RND2: variants seen among roughly 807,000 people sequenced by gnomAD.
RND2 encodes the protein rho-related GTP-binding protein RhoN.
RND2 carries 16 observed loss-of-function variants against 25.9 expected under a neutral mutation model. The observed-to-expected ratio is 0.62, with a 90% CI of 0.42 to 0.94. The LOEUF (loss-of-function observed/expected upper bound fraction) is 0.94. Ranked by LOEUF, RND2 falls within the 40% of genes least tolerant of loss-of-function variation. The pLI, the probability that RND2 is intolerant of heterozygous loss-of-function variation, is 0.00. For missense variants in RND2, 276 were observed against 305.5 expected (o/e 0.90, Z 0.72); for synonymous variants, 97 against 118.1 (o/e 0.82, Z 1.16).
Position 43,028,180 on chromosome 17 carries a change from T to C in RND2, c.420T>C (p.Pro140=). The C allele has an allele frequency of 6.2e-7, 1 of 1,614,196 alleles. No homozygotes were observed. Among genetic ancestry groups the C allele is most frequent in the South Asian group, 1.1e-5 (1 of 91,090 alleles). ...LRELSKQRLI[P]VTHEQGTVLA... Reference sequence around the variant, plus strand: ...AGCTGTCCAAGCAGAGGCTTATCCCTGTTACACATGAGCAGGTGGGACCCT... The same window carrying C: ...AGCTGTCCAAGCAGAGGCTTATCCCCGTTACACATGAGCAGGTGGGACCCT... Residue 140 remains proline (P), a synonymous_variant, in exon 4 of 5, where the codon CCT becomes CCC. Coordinates refer to ENST00000587250, the MANE Select transcript of RND2 (RefSeq NM_005440.5).
At position 43,029,169 on chromosome 17, in the gene RND2, C is replaced by G. The variant is rs1196567360; in HGVS notation, c.*489C>G. On this transcript the variant is annotated 3_prime_UTR_variant, in exon 5 of 5. Coordinates refer to ENST00000587250, the MANE Select transcript of RND2 (RefSeq NM_005440.5). ...GAAGCCCTTGCCCCCCATCAGTCCA[C>G]CAGCCCTAGAACCTCCCTTGCCTCA... 2 of 159,342 alleles carry G rather than the reference C, an allele frequency of 1.3e-5. No individual in the cohort carries two copies. Among genetic ancestry groups the G allele is most frequent in the Admixed American group, 1.2e-4 (2 of 16,896 alleles). The allele number at this position is 159,342 out of a possible 1,614,324, so 9.9% of individuals were successfully genotyped here.
intron 3 of RND2, among the ~76,000 whole-genome samples, chr17:43,027,511 G>A (rs1483685728): frequency 6.6e-6 from 1 of 152,184 alleles, no homozygotes; most frequent in African/African-American, 2.4e-5. Flanking sequence ...AGCTAGGGGA[G>A]GTGGGGGAGT....
At position 43,030,377 on chromosome 17, in the gene RND2, T is replaced by C. The variant is rs1318448880; in HGVS notation, c.*1697T>C. 3 of 152,756 alleles carry C rather than the reference T, an allele frequency of 2.0e-5. No homozygotes were observed. Among genetic ancestry groups the C allele is most frequent in the African/African-American group, 7.2e-5 (3 of 41,436 alleles). The allele number at this position is 152,756 out of a possible 1,614,324, so 9.5% of individuals were successfully genotyped here. A position where few individuals can be genotyped will look rare whatever the true frequency, so the allele number is the denominator to read the frequency against. On this transcript the variant is annotated 3_prime_UTR_variant, in exon 5 of 5. Coordinates refer to ENST00000587250, the MANE Select transcript of RND2 (RefSeq NM_005440.5). ...TCTGCTGGGATCCCACCCAAATTTATAGCCCATTCCTCCCTCATTCATTCA... is the reference window on the plus strand; with the variant it reads ...TCTGCTGGGATCCCACCCAAATTTACAGCCCATTCCTCCCTCATTCATTCA...
At chr17:43,025,694 A>G (rs1203495702) in intron 1 of RND2, among the ~76,000 whole-genome samples, 1 of 149,050 alleles carries the variant, frequency 6.7e-6, no homozygotes, top group African/African-American at 2.5e-5. Flanking sequence ...GGGCGAGGGG[A>G]ATGTCGGAGG....
At position 43,028,574 on chromosome 17, in the gene RND2, A is replaced by T; in HGVS notation, c.578A>T (p.Asp193Val). ...GRGHRQLRRT[D>V]SRRGMQRSAQ... is the part of the protein sequence containing the mutation. ...GGCCATAGGCAGCTGCGCCGAACTGACTCACGCCGGGGAATGCAGCGATCC... is the reference window on the plus strand; with the variant it reads ...GGCCATAGGCAGCTGCGCCGAACTGTCTCACGCCGGGGAATGCAGCGATCC... Residue 193 changes from aspartate (D) to valine (V), a missense_variant, in exon 5 of 5, where the codon GAC becomes GTC. Asp to Val is a radical substitution (Grantham distance 152, BLOSUM62 -3). Coordinates refer to ENST00000587250, the MANE Select transcript of RND2 (RefSeq NM_005440.5). 1 of 1,614,018 alleles carries T rather than the reference A, an allele frequency of 6.2e-7. No homozygotes were observed. Among genetic ancestry groups the T allele is most frequent in the Non-Finnish European group, 8.5e-7 (1 of 1,180,006 alleles).
chr17:43,028,018 C>T (rs1485322572), intron 3 of RND2, 43 bp from the exon 4 acceptor site: 1 of 1,586,274 alleles, frequency 6.3e-7, no homozygotes. Context: ...CACGCTGTGC[C>T]TCCCTCCACC....
At chr17:43,026,480 G>A (rs1430362115) in intron 2 of RND2, among the ~76,000 whole-genome samples, 1 of 152,026 alleles carries the variant, frequency 6.6e-6, no homozygotes. Context: ...TTGAAACTCC[G>A]TCTCTACTAA....
Position 43,028,158 on chromosome 17 carries a change from T to C in RND2, c.398T>C (p.Leu133Pro). The C allele has an allele frequency of 1.2e-6, 2 of 1,614,216 alleles. No homozygotes were observed. The highest frequency in any genetic ancestry group is 1.7e-6 in the Non-Finnish European group (2 of 1,180,040). The change falls in exon 4 of 5, where the codon CTG (leucine) becomes CCG (proline). Residue 133 changes from leucine to proline, a missense_variant. By Grantham distance (98) the Leu-to-Pro change is moderately conservative. Coordinates refer to ENST00000587250, the MANE Select transcript of RND2 (RefSeq NM_005440.5). ...MRTDLATLRE[L>P]SKQRLIPVTH... The stretch of plus-strand genomic sequence containing the variant: ...ACTGACCTGGCCACACTGAGGGAGC[T>C]GTCCAAGCAGAGGCTTATCCCTGTT...
At chr17:43,027,348 C>T in intron 3 of RND2, 56 bp downstream of exon 3, 1 of 1,205,952 alleles carries the variant, frequency 8.3e-7, no homozygotes, top group Non-Finnish European at 1.2e-6. Flanking sequence ...CCACCATGGT[C>T]CTGACATAAC....
intron 1 of RND2, 130 bp downstream of exon 1, chr17:43,025,579 G>C: frequency 7.8e-7 from 1 of 1,285,952 alleles, no homozygotes; most frequent in Non-Finnish European, 1.1e-6. Context: ...AGGACGCGGG[G>C]AGGCCTTGAG....
intron 3 of RND2, among the ~76,000 whole-genome samples, 164 bp downstream of exon 3, chr17:43,027,456 C>T (rs1474930841): frequency 6.6e-6 from 1 of 152,204 alleles, no homozygotes; most frequent in Non-Finnish European, 1.5e-5. Flanking sequence ...GCCCCCATCC[C>T]TCCCAGCCAC....
At chr17:43,027,619 G>A (rs758813373) in intron 3 of RND2, among the ~76,000 whole-genome samples, 6 of 152,104 alleles carry the variant, frequency 3.9e-5, no homozygotes, top group Non-Finnish European at 7.4e-5. Context: ...CCTGATCCTG[G>A]AGCTCAGGAA....
chr17:43,027,941 C>A, intron 3 of RND2, 120 bp from the exon 4 acceptor site: 1 of 1,200,970 alleles, frequency 8.3e-7, no homozygotes, highest in Non-Finnish European at 1.2e-6. Context: ...TGGGAGAGTC[C>A]TGAGGGATAC....
Position 43,025,283 on chromosome 17 carries a change from G to A in RND2, c.-65G>A. ...GGCCCGAGCGGCTGCAGTTGCAGGG[G>A]CGGGGGAGGCGGCGGCGGGGCCCGG... is the stretch of plus-strand genomic sequence containing the variant. On this transcript the variant is annotated 5_prime_UTR_variant, in exon 1 of 5. Coordinates refer to ENST00000587250, the MANE Select transcript of RND2 (RefSeq NM_005440.5). 1 of 1,404,914 alleles carries A rather than the reference G, an allele frequency of 7.1e-7. No homozygotes were observed. The highest frequency in any genetic ancestry group is 9.4e-7 in the Non-Finnish European group (1 of 1,062,680). The allele number at this position is 1,404,914 out of a possible 1,614,324, so 87.0% of individuals were successfully genotyped here.
chr17:43,025,916 G>T (rs201422969), intron 1 of RND2, 44 bp from the exon 2 acceptor site: 16 of 1,460,256 alleles, frequency 1.1e-5, no homozygotes, highest in Non-Finnish European at 1.4e-5. Flanking sequence ...TCTGGGGTGA[G>T]GACTTGGAGA....
Position 43,028,048 on chromosome 17 carries a change from T to C in RND2, c.301-13T>C. Reference sequence around the variant, plus strand: ...TCCACCCCTCCACAATTCTCTTTTCTTCTCCTACATAGTGGCAAGGAGAGA... The same window carrying C: ...TCCACCCCTCCACAATTCTCTTTTCCTCTCCTACATAGTGGCAAGGAGAGA... On this transcript the variant is annotated splice_polypyrimidine_tract_variant and intron_variant, in intron 3 of 4. Coordinates refer to ENST00000587250, the MANE Select transcript of RND2 (RefSeq NM_005440.5). 6.2e-7 allele frequency: 1 copy of C among 1,610,648 alleles called. No homozygotes were observed. The highest frequency in any genetic ancestry group is 1.1e-5 in the South Asian group (1 of 90,318).
Position 43,027,388 on chromosome 17 carries a change from G to C in RND2, c.300+96G>C. The C allele has an allele frequency of 6.3e-6, 5 of 789,958 alleles. No individual in the cohort carries two copies. In the South Asian group the frequency reaches 9.2e-5, roughly 14 times the overall value. 48.9% of individuals were successfully genotyped at this position (789,958 alleles called of 1,614,324 possible). On this transcript the variant is annotated intron_variant, in intron 3 of 4. Transcript: ENST00000587250. Reference sequence around the variant, plus strand: ...GCCAGGAGGAGGGAGTGATGGCTGGGGTATGGCCATCAGCTGGTTAGCGAG... The same window carrying C: ...GCCAGGAGGAGGGAGTGATGGCTGGCGTATGGCCATCAGCTGGTTAGCGAG...
intron 4 of RND2, 22 bp downstream of exon 4, chr17:43,028,217 C>G (rs1343978794): frequency 6.2e-7 from 1 of 1,613,890 alleles, no homozygotes; most frequent in East Asian, 2.2e-5. Context: ...GACGTCTGAC[C>G]TCATCCCAGC....
At chr17:43,025,538 G>A (rs2050613785) in intron 1 of RND2, 89 bp downstream of exon 1, 35 of 1,483,086 alleles carry the variant, frequency 2.4e-5, no homozygotes, top group Non-Finnish European at 3.2e-5. Flanking sequence ...ATGGGTACTC[G>A]GGTAACCAGG....
Sources: gnomAD v4.1 joint callset for allele counts (sites outside exome capture counted in the v4.1 genomes callset) on GRCh38, gnomAD v4.1.1 for gene constraint, MANE v1.5 for transcripts, NCBI Gene and HGNC (gene_info 2026-07-23, HGNC 2026-07-21) for gene names.